ADARB2: variants seen among roughly 807,000 people sequenced by gnomAD.
ADARB2 encodes inactive double-stranded RNA-specific editase B2.
A neutral mutation model predicts 62.2 loss-of-function variants in ADARB2; 25 were observed. The ratio of observed to expected loss-of-function variants is 0.40; its 90% CI spans 0.29 to 0.56. ADARB2 has a LOEUF of 0.56. Ranked by LOEUF, ADARB2 falls within the 20% of genes least tolerant of loss-of-function variation. The pLI is 0.43. For synonymous variants in ADARB2, 572 were observed against 500.8 expected, an observed-to-expected ratio of 1.14 and a Z score of -1.90; for missense variants, 1,071 against 1,077.4, an observed-to-expected ratio of 0.99 and a Z score of 0.08.
At chr10:1,431,774 T>C (rs1038684094) in intron 1 of ADARB2, among the ~76,000 whole-genome samples, 8 of 152,312 alleles carry the variant, frequency 5.3e-5, no homozygotes, top group African/African-American at 1.9e-4. Context: ...ATAGGTGCTA[T>C]TACTACAGAA....
At position 1,365,477 on chromosome 10, in the gene ADARB2, C is replaced by G. The variant is rs180876965; in HGVS notation, c.188-1560G>C. On this transcript the variant is annotated intron_variant, in intron 2 of 9. Transcript: ENST00000381312. ...GAAAGGAAGAGTCACTCCTCTCTCA[C>G]TTTAAATCAAATGTAGGGAGAAGGC... 2.6e-3 allele frequency among the ~76,000 whole-genome samples: 395 copies of G among 152,304 alleles called. 4 individuals carry two copies. Among genetic ancestry groups the G allele is most frequent in the Admixed American group, 0.018 (269 of 15,306 alleles).
chr10:1,672,154 G>A (rs563334137), intron 1 of ADARB2, among the ~76,000 whole-genome samples: 6 of 151,766 alleles, frequency 4.0e-5, no homozygotes, highest in South Asian at 4.2e-4. Context: ...TGTGGACAGC[G>A]GGTGTGGACA....
chr10:1,415,799 G>A (rs1246302634), intron 1 of ADARB2, among the ~76,000 whole-genome samples: 1 of 152,150 alleles, frequency 6.6e-6, no homozygotes, highest in East Asian at 1.9e-4. Context: ...ATCATCTTAT[G>A]TGAAAAATTA....
At chr10:1,620,107 T>TA (rs544621731) in intron 1 of ADARB2, among the ~76,000 whole-genome samples, 188 of 152,242 alleles carry the variant, frequency 1.2e-3, no homozygotes, top group South Asian at 2.3e-3. Context: ...CTCAAATCAA[T>TA]ATTCTAAGCT....
At chr10:1,641,592 C>T (rs181034377) in intron 1 of ADARB2, among the ~76,000 whole-genome samples, 1 of 152,366 alleles carries the variant, frequency 6.6e-6, no homozygotes, top group Admixed American at 6.5e-5. Flanking sequence ...TTCACTGCGT[C>T]TTTGCTGCGA....
At chr10:1,709,623 G>T (rs959398233) in intron 1 of ADARB2, among the ~76,000 whole-genome samples, 1 of 152,150 alleles carries the variant, frequency 6.6e-6, no homozygotes, top group Non-Finnish European at 1.5e-5. Context: ...CCTAAGCACA[G>T]GTGGTGACTT....
intron 1 of ADARB2, among the ~76,000 whole-genome samples, chr10:1,556,261 CT>C (rs5782583): frequency 0.36 from 52,814 of 147,244 alleles, 9,566 homozygotes; most frequent in South Asian, 0.4. Context: ...AACAAAAAGT[CT>C]TTTTTTTTTT....
chr10:1,487,857 C>T (rs765530772), intron 1 of ADARB2, among the ~76,000 whole-genome samples: 26 of 151,878 alleles, frequency 1.7e-4, no homozygotes, highest in East Asian at 5.8e-4. Flanking sequence ...ACACGTGCCG[C>T]GGGTGTGAGG....
chr10:1,243,122 T>C (rs1048970231), intron 4 of ADARB2, among the ~76,000 whole-genome samples: 4 of 152,194 alleles, frequency 2.6e-5, no homozygotes, highest in Non-Finnish European at 4.4e-5. Flanking sequence ...GGAGTCCGTG[T>C]CATTAGACGG....
intron 1 of ADARB2, among the ~76,000 whole-genome samples, chr10:1,649,935 C>T (rs1588338365): frequency 2.0e-5 from 3 of 152,276 alleles, no homozygotes; most frequent in East Asian, 1.9e-4. Context: ...TCCTGAGGAG[C>T]GATGATTACA....
intron 1 of ADARB2, among the ~76,000 whole-genome samples, chr10:1,731,289 AAT>A (rs2119047726): frequency 6.6e-6 from 1 of 152,330 alleles, no homozygotes; most frequent in African/African-American, 2.4e-5. Context: ...AATCAGATAA[AAT>A]AGCCCCGTCC....
intron 1 of ADARB2, among the ~76,000 whole-genome samples, chr10:1,540,083 G>T (rs551836487): frequency 6.6e-6 from 1 of 152,150 alleles, no homozygotes; most frequent in Admixed American, 6.5e-5. Context: ...TATCTGAATC[G>T]TGGCAGCTCT....
chr10:1,566,030 C>T (rs4880871), intron 1 of ADARB2, among the ~76,000 whole-genome samples: 47,125 of 137,432 alleles, frequency 0.34, 8,341 homozygotes, highest in Middle Eastern at 0.42. Context: ...CTTTTCTCAT[C>T]GTTACTTCTC....
rs976207009 is a variant in ADARB2, at chr10:1,620,541, T to C, written c.100+116510A>G. Among the ~76,000 whole-genome samples the C allele has an allele frequency of 2.6e-5, 4 of 152,218 alleles. No homozygotes were observed. The South Asian group carries it at 8.3e-4, about 31-fold the overall frequency. On this transcript the variant is annotated intron_variant, in intron 1 of 9. Transcript: ENST00000381312. ...GCCCAAATGGTGTCACTGGTGAATTTGTTAAATAAAGAAAAAATACTAACA... is the reference window on the plus strand; with the variant it reads ...GCCCAAATGGTGTCACTGGTGAATTCGTTAAATAAAGAAAAAATACTAACA...
chr10:1,563,865 G>A (rs1832822095), intron 1 of ADARB2, among the ~76,000 whole-genome samples: 2 of 145,668 alleles, frequency 1.4e-5, no homozygotes, highest in Non-Finnish European at 3.0e-5. Flanking sequence ...CTACCTATGA[G>A]TGAGAATATG....
rs534646249 is a variant in ADARB2, at chr10:1,220,186, GTGA to G, written c.1514-3070_1514-3068del. On this transcript the variant is annotated intron_variant, in intron 6 of 9. Coordinates refer to ENST00000381312, the MANE Select transcript of ADARB2 (RefSeq NM_018702.4). ...GGTAATGATGGTGGTGATGATGGTG[GTGA>G]TGATGATGATGGTAATGGTGGTGAT... 4.7e-3 allele frequency among the ~76,000 whole-genome samples: 546 copies of G among 117,136 alleles called. 1 individual carries two copies. Among genetic ancestry groups the G allele is most frequent in the African/African-American group, 0.015 (432 of 29,402 alleles). The allele number at this position is 117,136 out of a possible 152,430, so 76.8% of individuals were successfully genotyped here.
At chr10:1,339,770 G>C (rs939134982) in intron 3 of ADARB2, among the ~76,000 whole-genome samples, 1 of 152,198 alleles carries the variant, frequency 6.6e-6, no homozygotes, top group Non-Finnish European at 1.5e-5. Context: ...AACATCCATC[G>C]ATAGCAGGTG....
chr10:1,219,807 GTGA>G (rs967890866), intron 6 of ADARB2, among the ~76,000 whole-genome samples: 48 of 148,926 alleles, frequency 3.2e-4, no homozygotes, highest in African/African-American at 1.1e-3. Context: ...GATGGCAATG[GTGA>G]TGATGGTGAT....
chr10:1,334,378 G>A (rs930826157), intron 3 of ADARB2, among the ~76,000 whole-genome samples: 5 of 152,222 alleles, frequency 3.3e-5, no homozygotes, highest in African/African-American at 1.2e-4. Context: ...GTCATTGTGA[G>A]GCTCGTGGAC....
Sources: allele counts gnomAD v4.1 joint callset (sites outside exome capture counted in the v4.1 genomes callset), GRCh38; gene constraint gnomAD v4.1.1; transcripts MANE v1.5; gene names NCBI Gene and HGNC (gene_info 2026-07-23, HGNC 2026-07-21).